The following NDNF variants were observed in gnomAD, a reference collection of about 807,000 sequenced individuals.
NDNF encodes the protein neuron derived neurotrophic factor.
Under a neutral mutation model 42.0 loss-of-function variants are expected in NDNF, and 16 were observed. That is an observed-to-expected ratio of 0.38 (90% CI 0.26 to 0.58). The LOEUF is 0.58. Ranked by LOEUF, NDNF falls within the 20% of genes least tolerant of loss-of-function variation. The probability of loss-of-function intolerance (pLI) is 0.67; values close to 1 mark genes in which losing one functional copy is unlikely to be tolerated. For missense variants in NDNF, 616 were observed against 666.2 expected (o/e 0.92, Z 0.83); for synonymous variants, 248 against 251.7 (o/e 0.99, Z 0.14).
chr4:121,050,150 A>C (rs548838416), intron 1 of NDNF, among the ~76,000 whole-genome samples: 1 of 152,322 alleles, frequency 6.6e-6, no homozygotes, highest in South Asian at 2.1e-4. Flanking sequence ...GCTTTACATA[A>C]ATATTATTTA....
rs202169296 is a variant in NDNF, at chr4:121,036,716, C to T, written c.1255G>A (p.Val419Ile). The T allele has an allele frequency of 1.6e-4, 251 of 1,614,096 alleles. 2 individuals carry two copies. Among genetic ancestry groups the T allele is most frequent in the South Asian group, 1.2e-3 (111 of 91,080 alleles). Reference sequence around the variant, plus strand: ...CCTTTCTTGTTTCCTTTCAGTCGAACGAGGTATTTAGCTTTAGGTTTTCCT... The same window carrying T: ...CCTTTCTTGTTTCCTTTCAGTCGAATGAGGTATTTAGCTTTAGGTTTTCCT... Reference protein sequence around the residue: ...LRGKPKAKYLVRLKGNKKGAS... With the variant: ...LRGKPKAKYLIRLKGNKKGAS... The change falls in exon 4 of 4, where the codon GTT becomes ATT. Residue 419 changes from valine (V) to isoleucine (I), a missense_variant. Transcript: ENST00000379692.
At chr4:121,056,266 T>C (rs1560608216) in intron 1 of NDNF, among the ~76,000 whole-genome samples, 1 of 152,110 alleles carries the variant, frequency 6.6e-6, no homozygotes, top group Non-Finnish European at 1.5e-5. Context: ...GATGGTGAGC[T>C]CAGTGAAGAA....
chr4:121,062,923 G>A (rs2148771648), intron 1 of NDNF, among the ~76,000 whole-genome samples: 1 of 152,076 alleles, frequency 6.6e-6, no homozygotes, highest in Middle Eastern at 3.4e-3. Context: ...GACTGAGTTT[G>A]GCTGAAGTGT....
In NDNF at chr4:121,036,183, T is replaced by C. The variant is rs576981802; in HGVS notation, c.*81A>G. On this transcript the variant is annotated 3_prime_UTR_variant, in exon 4 of 4. Coordinates refer to ENST00000379692, the MANE Select transcript of NDNF (RefSeq NM_024574.4). ...AGTACAGGTCACAACTTCTCTCAAC[T>C]GTGGGAGTAGTCAGTTTATACTTAA... is the stretch of plus-strand genomic sequence containing the variant. The C allele has an allele frequency of 2.7e-6, 3 of 1,127,414 alleles. No homozygotes were observed. The highest frequency in any genetic ancestry group is 4.6e-5 in the Admixed American group (2 of 43,850). The allele number at this position is 1,127,414 out of a possible 1,614,324, so 69.8% of individuals were successfully genotyped here.
chr4:121,045,699 G>C lies in NDNF; in HGVS notation c.139C>G (p.Pro47Ala), dbSNP rs1727078603. Residue 47 changes from proline to alanine, a missense_variant, in exon 2 of 4, where the codon CCA becomes GCA. Transcript: ENST00000379692. ...KAFFHDSSVI[P>A]DGAEISSYLF... ...TAACTGCTAATTTCAGCTCCATCTG[G>C]AATTACTGACGAATCATGAAAAAAT... The C allele has an allele frequency of 6.2e-7, 1 of 1,614,056 alleles. No individual in the cohort carries two copies. The highest frequency in any genetic ancestry group is 1.7e-5 in the Admixed American group (1 of 60,006).
intron 1 of NDNF, among the ~76,000 whole-genome samples, chr4:121,059,632 C>T (rs903053141): frequency 6.6e-6 from 1 of 152,104 alleles, no homozygotes; most frequent in African/African-American, 2.4e-5. Context: ...AGAAAAATAG[C>T]GTATTACTCA....
chr4:121,048,745 G>A (rs1457786316), intron 1 of NDNF, among the ~76,000 whole-genome samples: 1 of 152,160 alleles, frequency 6.6e-6, no homozygotes, highest in Non-Finnish European at 1.5e-5. Context: ...GGCTGATGCA[G>A]GAGAATCGCT....
Position 121,040,008 on chromosome 4 carries a change from C to T in NDNF, c.235G>A (p.Val79Met). 1 of 1,614,056 alleles carries T rather than the reference C, an allele frequency of 6.2e-7. No homozygotes were observed. The change falls in exon 3 of 4, where the codon GTG becomes ATG. Residue 79 changes from valine to methionine, a missense_variant. Coordinates refer to ENST00000379692, the MANE Select transcript of NDNF (RefSeq NM_024574.4). ...EEDNTPLSVT[V>M]TPCDAPLEWK... ...TCCAAAGGCGCATCACAGGGCGTCA[C>T]TGTGACTGATAATGGAGTATTGTCT... is the stretch of plus-strand genomic sequence containing the variant.
rs2148761208 is a variant in NDNF, at chr4:121,036,103, G to A, written c.*161C>T. The stretch of plus-strand genomic sequence containing the variant: ...ACGCTAGAACAAGTCTCCTTCAAGA[G>A]TTACTTATATAAACATCAATATACA... On this transcript the variant is annotated 3_prime_UTR_variant, in exon 4 of 4. Transcript: ENST00000379692. 1 of 650,070 alleles carries A rather than the reference G, an allele frequency of 1.5e-6. No homozygotes were observed. Among genetic ancestry groups the A allele is most frequent in the South Asian group, 2.1e-5 (1 of 47,174 alleles). 40.3% of individuals were successfully genotyped at this position (650,070 alleles called of 1,614,324 possible).
chr4:121,057,026 C>T (rs1031937360), intron 1 of NDNF, among the ~76,000 whole-genome samples: 27 of 152,140 alleles, frequency 1.8e-4, no homozygotes, highest in African/African-American at 5.8e-4. Context: ...TGACGTGCTG[C>T]GAATGAGGCA....
chr4:121,052,757 C>A (rs912938903), intron 1 of NDNF, among the ~76,000 whole-genome samples: 2 of 152,176 alleles, frequency 1.3e-5, no homozygotes, highest in Non-Finnish European at 2.9e-5. Flanking sequence ...GGCAAAAATG[C>A]AGCAATCAAA....
chr4:121,036,606 G>A lies in NDNF; in HGVS notation c.1365C>T (p.Ala455=). The A allele has an allele frequency of 6.2e-7, 1 of 1,614,136 alleles. No homozygotes were observed. The highest frequency in any genetic ancestry group is 8.5e-7 in the Non-Finnish European group (1 of 1,180,004). Residue 455 remains alanine, a synonymous_variant, in exon 4 of 4, where the codon GCC becomes GCT. Transcript: ENST00000379692. ...AGGAACAGGTACGGAGCTTGTCAAAGGCTTTGATTCTTGTGTCTTCAGGAA... is the reference window on the plus strand; with the variant it reads ...AGGAACAGGTACGGAGCTTGTCAAAAGCTTTGATTCTTGTGTCTTCAGGAA... The part of the protein sequence containing the change: ...PSLPEDTRIK[A]FDKLRTCSSA...
In NDNF at chr4:121,053,360, G is replaced by A. The variant is rs138466258; in HGVS notation, c.-1-7522C>T. 2.1e-3 allele frequency among the ~76,000 whole-genome samples: 316 copies of A among 152,302 alleles called. 1 individual carries two copies. Among genetic ancestry groups the A allele is most frequent in the African/African-American group, 7.3e-3 (305 of 41,556 alleles). ...ATGCAGAGTTCCTAACAGGGATAAC[G>A]TTAGGGCATTCTAATTTAAAAGATG... On this transcript the variant is annotated intron_variant, in intron 1 of 3. Transcript: ENST00000379692.
intron 1 of NDNF, 53 bp from the exon 2 acceptor site, chr4:121,045,891 A>T: frequency 3.9e-6 from 6 of 1,553,428 alleles, no homozygotes; most frequent in Non-Finnish European, 5.3e-6. Flanking sequence ...ACACTCAGGC[A>T]AGTCACAGAC....
intron 2 of NDNF, among the ~76,000 whole-genome samples, chr4:121,042,018 A>G (rs756347630): frequency 5.9e-5 from 9 of 152,236 alleles, no homozygotes; most frequent in Middle Eastern, 3.4e-3. Context: ...GCTTTTTCCA[A>G]CTCACTCTGG....
intron 1 of NDNF, among the ~76,000 whole-genome samples, chr4:121,052,015 C>T (rs1727205501): frequency 6.6e-6 from 1 of 152,180 alleles, no homozygotes; most frequent in Non-Finnish European, 1.5e-5. Flanking sequence ...TGCACTGTGA[C>T]CTTTCTCATC....
chr4:121,051,182 G>A (rs1727188049), intron 1 of NDNF, among the ~76,000 whole-genome samples: 1 of 152,138 alleles, frequency 6.6e-6, no homozygotes, highest in African/African-American at 2.4e-5. Flanking sequence ...AAGAGATATG[G>A]AGAAGGGATT....
chr4:121,051,214 T>C (rs558921769), intron 1 of NDNF, among the ~76,000 whole-genome samples: 22 of 152,268 alleles, frequency 1.4e-4, no homozygotes, highest in Non-Finnish European at 1.2e-4. Flanking sequence ...TTTAGGACTA[T>C]GGTGATGGGA....
chr4:121,058,726 TTC>T (rs1375397099), intron 1 of NDNF, among the ~76,000 whole-genome samples: 1 of 152,026 alleles, frequency 6.6e-6, no homozygotes, highest in Non-Finnish European at 1.5e-5. Context: ...CCCAAATTTG[TTC>T]TCTTTTCTAT....
Sources: gnomAD v4.1 joint callset for allele counts (sites outside exome capture counted in the v4.1 genomes callset) on GRCh38, gnomAD v4.1.1 for gene constraint, MANE v1.5 for transcripts, NCBI Gene and HGNC (gene_info 2026-07-23, HGNC 2026-07-21) for gene names.